MAEA: variants seen among roughly 807,000 people sequenced by gnomAD.
MAEA encodes the protein E3 ubiquitin-protein transferase MAEA.
MAEA carries 22 observed loss-of-function variants against 46.2 expected under a neutral mutation model. That is an observed-to-expected ratio of 0.48 (90% CI 0.34 to 0.68). MAEA has a LOEUF of 0.68. Among genes scored for constraint, MAEA ranks in the 30% least tolerant of loss-of-function variants. MAEA has a pLI of 0.01. For synonymous variants in MAEA, 246 were observed against 222.6 expected, an observed-to-expected ratio of 1.11 and a Z score of -0.94; for missense variants, 393 against 558.1, an observed-to-expected ratio of 0.70 and a Z score of 2.98.
intron 3 of MAEA, among the ~76,000 whole-genome samples, chr4:1,321,619 G>A (rs1027202264): frequency 1.3e-5 from 2 of 152,216 alleles, no homozygotes; most frequent in African/African-American, 4.8e-5. Flanking sequence ...ATCCTGGGCC[G>A]TTGGGTCCTG....
At chr4:1,306,130 T>C (rs1438870402) in intron 1 of MAEA, among the ~76,000 whole-genome samples, 2 of 152,146 alleles carry the variant, frequency 1.3e-5, no homozygotes, top group African/African-American at 4.8e-5. Context: ...ATTAATCCCA[T>C]CCCAGAATGC....
chr4:1,330,921 T>C (rs1711690313), intron 5 of MAEA: 1 of 152,206 alleles, frequency 6.6e-6, no homozygotes, highest in Admixed American at 6.5e-5. Flanking sequence ...GTTAGGCGGA[T>C]GATGTCTGTC....
At position 1,322,444 on chromosome 4, in the gene MAEA, G is replaced by C; in HGVS notation, c.520G>C (p.Glu174Gln). ...GGTGGAGGAGTCCCTGGAGAGGCGT[G>C]AGACGGCCACCTGCCTGGCCTGGTG... ...KEVEESLERR[E>Q]TATCLAWCHD... Residue 174 changes from glutamate to glutamine, a missense_variant, in exon 4 of 9, where the codon GAG becomes CAG. Coordinates refer to ENST00000303400, the MANE Select transcript of MAEA (RefSeq NM_001017405.3). 1.2e-6 allele frequency: 2 copies of C among 1,614,092 alleles called. No homozygotes were observed. Among genetic ancestry groups the C allele is most frequent in the Non-Finnish European group, 1.7e-6 (2 of 1,180,030 alleles).
chr4:1,337,908 A>C (rs1713012061), intron 7 of MAEA: 1 of 171,118 alleles, frequency 5.8e-6, no homozygotes, highest in Admixed American at 6.0e-5. Flanking sequence ...GTCCCCGCCT[A>C]TGAATGTCTT....
In MAEA at chr4:1,311,499, G is replaced by A. The variant is rs1169677675; in HGVS notation, c.70-480G>A. On this transcript the variant is annotated intron_variant, in intron 1 of 8. Transcript: ENST00000303400. This position sits in a 1 kb window ranked among gnomAD's most constrained non-coding sequence, Gnocchi z 4.4. ...TGCACTTGTGGCTTCCCGTGCGTGT[G>A]TGAGGCTTGCTGTGCCCAACCCCAG... Among the ~76,000 whole-genome samples, 1 of 152,190 alleles carries A rather than the reference G, an allele frequency of 6.6e-6. No individual in the cohort carries two copies. The highest frequency in any genetic ancestry group is 1.5e-5 in the Non-Finnish European group (1 of 68,040).
At chr4:1,318,719 A>C (rs1737634157) in intron 3 of MAEA, among the ~76,000 whole-genome samples, 1 of 152,044 alleles carries the variant, frequency 6.6e-6, no homozygotes, top group African/African-American at 2.4e-5. Context: ...TGGAAATGTA[A>C]ACCCCGGCTG....
chr4:1,314,921 A>G (rs562862376), intron 2 of MAEA, among the ~76,000 whole-genome samples: 5 of 152,352 alleles, frequency 3.3e-5, no homozygotes, highest in African/African-American at 1.2e-4. Flanking sequence ...CAGTTGCACC[A>G]CTGCCCTTAA....
At chr4:1,309,523 G>T (rs1408722377) in intron 1 of MAEA, 5 of 1,379,480 alleles carry the variant, frequency 3.6e-6, no homozygotes, top group Non-Finnish European at 4.7e-6. Context: ...GGGAGAGGGG[G>T]TGCTGCGCTC....
At chr4:1,338,771 C>T (rs944697429) in intron 8 of MAEA, 154 bp downstream of exon 8, 157 of 841,166 alleles carry the variant, frequency 1.9e-4, no homozygotes, top group Non-Finnish European at 2.4e-4. Context: ...GGCTGGCACG[C>T]GTCGCCATCG....
intron 3 of MAEA, among the ~76,000 whole-genome samples, chr4:1,316,565 G>A (rs1407576272): frequency 1.3e-5 from 2 of 152,000 alleles, no homozygotes; most frequent in African/African-American, 4.8e-5. Flanking sequence ...CATGCGCCTG[G>A]CCCCACAGGC....
chr4:1,290,101 C>A, intron 1 of MAEA, 119 bp downstream of exon 1: 1 of 577,448 alleles, frequency 1.7e-6, no homozygotes, highest in Non-Finnish European at 2.5e-6. Flanking sequence ...TGGGCGCGGC[C>A]TCGCGGGGCC....
At chr4:1,332,252 C>G (rs973407409) in intron 5 of MAEA, 1 of 154,194 alleles carries the variant, frequency 6.5e-6, no homozygotes, top group African/African-American at 2.4e-5. Context: ...GTCTGTGTGG[C>G]TTGGGTGCCC....
At chr4:1,293,161 A>G (rs1259475251) in intron 1 of MAEA, among the ~76,000 whole-genome samples, 1 of 151,874 alleles carries the variant, frequency 6.6e-6, no homozygotes, top group Admixed American at 6.6e-5. Context: ...CAACATGCAT[A>G]GTTCACCATC....
chr4:1,313,144 T>G (rs1228086470), intron 2 of MAEA, among the ~76,000 whole-genome samples: 1 of 152,212 alleles, frequency 6.6e-6, no homozygotes, highest in Non-Finnish European at 1.5e-5. Flanking sequence ...CTGGGATGAT[T>G]GGAGACCCTC....
intron 7 of MAEA, 53 bp from the exon 8 acceptor site, chr4:1,338,369 C>A: frequency 6.8e-7 from 1 of 1,477,948 alleles, no homozygotes; most frequent in Non-Finnish European, 9.3e-7. Context: ...GGGGGCTGGG[C>A]TCACCCCGGC....
chr4:1,295,089 G>A (rs1297147286), intron 1 of MAEA, among the ~76,000 whole-genome samples: 4 of 152,098 alleles, frequency 2.6e-5, no homozygotes, highest in African/African-American at 4.8e-5. Context: ...TGGGAAGCAA[G>A]CCCAAGGAGA....
chr4:1,309,850 C>G, intron 1 of MAEA: 1 of 1,318,336 alleles, frequency 7.6e-7, no homozygotes, highest in Non-Finnish European at 9.7e-7. Flanking sequence ...TGCCCTGTGC[C>G]TGAGCAGCGT....
At chr4:1,326,993 C>T (rs1375901281) in intron 4 of MAEA, among the ~76,000 whole-genome samples, 1 of 151,968 alleles carries the variant, frequency 6.6e-6, no homozygotes, top group Admixed American at 6.5e-5. Context: ...CCTGTCTCCT[C>T]CCCGCCCTGC....
At position 1,312,423 on chromosome 4, in the gene MAEA, A is replaced by ATTTTTTTTTTT. The variant is rs34329974; in HGVS notation, c.252+276_252+286dup. On this transcript the variant is annotated intron_variant, in intron 2 of 8. Coordinates refer to ENST00000303400, the MANE Select transcript of MAEA (RefSeq NM_001017405.3). The stretch of plus-strand genomic sequence containing the variant: ...ACCAGGATGTATAGCAGGTTGATTG[A>ATTTTTTTTTTT]TTTTTTTTTTTTTTTTTTTTTTTTG... 5.8e-5 allele frequency: 10 copies of ATTTTTTTTTTT among 172,026 alleles called. 1 individual carries two copies. Among genetic ancestry groups the ATTTTTTTTTTT allele is most frequent in the African/African-American group, 4.4e-4 (9 of 20,362 alleles). The allele number at this position is 172,026 out of a possible 1,614,324, so 10.7% of individuals were successfully genotyped here.
Sources: allele counts gnomAD v4.1 joint callset (sites outside exome capture counted in the v4.1 genomes callset), GRCh38; gene constraint gnomAD v4.1.1; non-coding constraint Gnocchi (gnomAD v3.1); transcripts MANE v1.5; gene names NCBI Gene and HGNC (gene_info 2026-07-23, HGNC 2026-07-21).